The following GABRG3 variants were observed in gnomAD, a reference collection of about 807,000 sequenced individuals.
GABRG3 encodes the protein gamma-aminobutyric acid type A receptor subunit gamma3.
Under a neutral mutation model 48.8 loss-of-function variants are expected in GABRG3, and 25 were observed. That is an observed-to-expected ratio of 0.51 (90% CI 0.37 to 0.72). GABRG3 has a LOEUF of 0.72. Among genes scored for constraint, GABRG3 ranks in the 30% least tolerant of loss-of-function variants. The pLI is 0.00. For synonymous variants in GABRG3, 227 were observed against 217.6 expected (o/e 1.04, Z -0.38); for missense variants, 394 against 577.9 (o/e 0.68, Z 3.26).
At chr15:27,242,635 T>C (rs971179175) in intron 3 of GABRG3, among the ~76,000 whole-genome samples, 2 of 152,226 alleles carry the variant, frequency 1.3e-5, no homozygotes, top group African/African-American at 4.8e-5. Context: ...CCATGCTCAA[T>C]TTACGTTCTA....
At position 27,334,129 on chromosome 15, in the gene GABRG3, A is replaced by G. The variant is rs533936394; in HGVS notation, c.574+5241A>G. Among the ~76,000 whole-genome samples, 3 of 152,368 alleles carry G rather than the reference A, an allele frequency of 2.0e-5. No individual in the cohort carries two copies. The South Asian group carries it at 6.2e-4, about 32-fold the overall frequency. On this transcript the variant is annotated intron_variant, in intron 5 of 9. Coordinates refer to ENST00000615808, the MANE Select transcript of GABRG3 (RefSeq NM_033223.5). The stretch of plus-strand genomic sequence containing the variant: ...GAAAAATTAATGTGTCTAGCTTAGT[A>G]TAGCTGCAGTATATACCTTTAACTA...
At chr15:27,246,201 A>C (rs1188780916) in intron 3 of GABRG3, among the ~76,000 whole-genome samples, 1 of 152,210 alleles carries the variant, frequency 6.6e-6, no homozygotes, top group Non-Finnish European at 1.5e-5. Flanking sequence ...TTCGATCTCC[A>C]GGAACCTGAT....
intron 3 of GABRG3, among the ~76,000 whole-genome samples, chr15:27,261,621 A>G (rs1890771523): frequency 6.6e-6 from 1 of 151,744 alleles, no homozygotes; most frequent in Non-Finnish European, 1.5e-5. Flanking sequence ...TTTAAAACAT[A>G]TGAAATATAT....
chr15:27,534,234 A>G lies in GABRG3; in HGVS notation c.*1353A>G, dbSNP rs994254768. ...AACTTTAGATGCAAAAAAATGGGCA[A>G]TGGTGATCATCAAGTACATATTTTG... On this transcript the variant is annotated 3_prime_UTR_variant, in exon 10 of 10. Coordinates refer to ENST00000615808, the MANE Select transcript of GABRG3 (RefSeq NM_033223.5). 5 of 152,168 alleles carry G rather than the reference A, an allele frequency of 3.3e-5. No individual in the cohort carries two copies. Among genetic ancestry groups the G allele is most frequent in the Non-Finnish European group, 7.4e-5 (5 of 68,022 alleles). 9.4% of individuals were successfully genotyped at this position (152,168 alleles called of 1,614,324 possible).
intron 3 of GABRG3, among the ~76,000 whole-genome samples, chr15:27,320,593 G>T (rs535671997): frequency 1.3e-5 from 2 of 152,086 alleles, no homozygotes; most frequent in Non-Finnish European, 2.9e-5. Flanking sequence ...CTGCTTCCCC[G>T]TGCTGGAGGA....
chr15:27,330,839 A>G (rs1385083284), intron 5 of GABRG3, among the ~76,000 whole-genome samples: 1 of 152,172 alleles, frequency 6.6e-6, no homozygotes, highest in Non-Finnish European at 1.5e-5. Flanking sequence ...CTATTTCCCT[A>G]TTTCTGGTGT....
chr15:27,099,939 G>A (rs1016034872), intron 3 of GABRG3, among the ~76,000 whole-genome samples: 12 of 152,018 alleles, frequency 7.9e-5, no homozygotes, highest in African/African-American at 2.4e-4. Context: ...AGAATTGGCC[G>A]GGCACGGTGG....
At chr15:27,157,207 G>C (rs1898454170) in intron 3 of GABRG3, among the ~76,000 whole-genome samples, 1 of 152,198 alleles carries the variant, frequency 6.6e-6, no homozygotes, top group African/African-American at 2.4e-5. Context: ...TTTGGGAAAA[G>C]AAAAAGACTG....
intron 3 of GABRG3, among the ~76,000 whole-genome samples, chr15:27,076,736 ATG>A (rs1250476015): frequency 6.6e-6 from 1 of 152,150 alleles, no homozygotes; most frequent in Non-Finnish European, 1.5e-5. Context: ...AAGGCAGGGC[ATG>A]GAGTGACACT....
chr15:27,006,275 C>T (rs1182072560), intron 2 of GABRG3, among the ~76,000 whole-genome samples: 3 of 152,024 alleles, frequency 2.0e-5, no homozygotes, highest in African/African-American at 7.2e-5. Flanking sequence ...TATCTAGGCT[C>T]ATTGCAACCT....
chr15:27,017,389 G>T (rs1035550019), intron 2 of GABRG3, among the ~76,000 whole-genome samples: 26 of 152,148 alleles, frequency 1.7e-4, no homozygotes. Flanking sequence ...AGTTTCTTTG[G>T]TGGTGTAGCA....
intron 5 of GABRG3, among the ~76,000 whole-genome samples, chr15:27,479,200 G>A (rs1890035916): frequency 6.6e-6 from 1 of 152,116 alleles, no homozygotes; most frequent in Non-Finnish European, 1.5e-5. Context: ...TCAAATAAAG[G>A]TGATTTAAAA....
At chr15:27,000,858 T>C (rs955653663) in intron 2 of GABRG3, among the ~76,000 whole-genome samples, 1 of 152,224 alleles carries the variant, frequency 6.6e-6, no homozygotes, top group Non-Finnish European at 1.5e-5. Context: ...TATTTCTTTA[T>C]AGCAATGCAA....
intron 5 of GABRG3, among the ~76,000 whole-genome samples, chr15:27,396,751 AATTG>A (rs1887310571): frequency 6.6e-6 from 1 of 152,258 alleles, no homozygotes; most frequent in South Asian, 2.1e-4. Context: ...TCAACTGATT[AATTG>A]ATAAACAAAC....
At position 27,278,854 on chromosome 15, in the gene GABRG3, C is replaced by CTTTTG. The variant is rs201452260; in HGVS notation, c.271-47935_271-47931dup. ...GCGTATGTTGAGTTTTGTATGTTTG[C>CTTTTG]TTTTGTTTTGTTTTGTTTTGTTTTT... is the stretch of plus-strand genomic sequence containing the variant. On this transcript the variant is annotated intron_variant, in intron 3 of 9. Coordinates refer to ENST00000615808, the MANE Select transcript of GABRG3 (RefSeq NM_033223.5). 5.4e-3 allele frequency among the ~76,000 whole-genome samples: 820 copies of CTTTTG among 152,130 alleles called. 19 individuals are homozygous for CTTTTG. In the East Asian group the frequency reaches 0.059, roughly 11 times the overall value.
At chr15:27,296,721 A>G (rs1191527575) in intron 3 of GABRG3, among the ~76,000 whole-genome samples, 1 of 152,226 alleles carries the variant, frequency 6.6e-6, no homozygotes, top group Non-Finnish European at 1.5e-5. Flanking sequence ...GCACTGCTAT[A>G]AAAGTATAGC....
At chr15:27,335,519 C>T (rs956635527) in intron 5 of GABRG3, among the ~76,000 whole-genome samples, 2 of 152,172 alleles carry the variant, frequency 1.3e-5, no homozygotes, top group African/African-American at 2.4e-5. Context: ...TGCTATACCA[C>T]GGATGTTCAG....
At chr15:27,478,733 G>A (rs1040832604) in intron 5 of GABRG3, among the ~76,000 whole-genome samples, 3 of 152,174 alleles carry the variant, frequency 2.0e-5, no homozygotes, top group African/African-American at 7.2e-5. Context: ...TGAAAAAATG[G>A]ACTCAACCAA....
intron 3 of GABRG3, among the ~76,000 whole-genome samples, chr15:27,204,169 A>T (rs1047946342): frequency 2.6e-5 from 4 of 151,952 alleles, no homozygotes; most frequent in African/African-American, 7.2e-5. Context: ...TCTAGAGTTT[A>T]TGTAGTTTTG....
Sources: allele counts gnomAD v4.1 joint callset (sites outside exome capture counted in the v4.1 genomes callset), GRCh38; gene constraint gnomAD v4.1.1; transcripts MANE v1.5; gene names NCBI Gene and HGNC (gene_info 2026-07-23, HGNC 2026-07-21).